The following ARHGAP29 variants were observed in gnomAD, a reference collection of about 807,000 sequenced individuals.
ARHGAP29 encodes Rho GTPase activating protein 29, also known as rho GTPase-activating protein 29.
ARHGAP29 carries 43 observed loss-of-function variants against 122.6 expected under a neutral mutation model. The ratio of observed to expected loss-of-function variants is 0.35; its 90% CI spans 0.27 to 0.45. The LOEUF is 0.45. ARHGAP29 is among the 20% of genes least tolerant of loss of function. The probability of loss-of-function intolerance (pLI) is 1.00; values close to 1 mark genes in which losing one functional copy is unlikely to be tolerated. For synonymous variants in ARHGAP29, 506 were observed against 497.1 expected (o/e 1.02, Z -0.24); for missense variants, 1,303 against 1,477.2 (o/e 0.88, Z 1.93).
chr1:94,220,180 T>C (rs1428176624), intron 3 of ARHGAP29, 78 bp downstream of exon 3: 2 of 1,501,564 alleles, frequency 1.3e-6, no homozygotes, highest in Non-Finnish European at 1.8e-6. Context: ...GAATTGGCTA[T>C]ATATTCACTA....
In ARHGAP29 at chr1:94,237,447, C is replaced by A. The variant is rs1457017592; in HGVS notation, c.-65G>T. On this transcript the variant is annotated 5_prime_UTR_variant, in exon 1 of 23. Transcript: ENST00000260526. ...CTCCATCTCGCGTGCCGGACGCGGACGCCCGCCCCACACCTACGGCCGCCG... is the reference window on the plus strand; with the variant it reads ...CTCCATCTCGCGTGCCGGACGCGGAAGCCCGCCCCACACCTACGGCCGCCG... The A allele has an allele frequency of 1.0e-6, 1 of 987,122 alleles. No homozygotes were observed. Among genetic ancestry groups the A allele is most frequent in the Admixed American group, 6.1e-5 (1 of 16,262 alleles). The allele number at this position is 987,122 out of a possible 1,614,324, so 61.1% of individuals were successfully genotyped here. A position where few individuals can be genotyped will look rare whatever the true frequency, so the allele number is the denominator to read the frequency against.
At chr1:94,200,683 T>C (rs1291846266) in intron 12 of ARHGAP29, among the ~76,000 whole-genome samples, 1 of 152,218 alleles carries the variant, frequency 6.6e-6, no homozygotes, top group Non-Finnish European at 1.5e-5. Flanking sequence ...AGTACAGTCA[T>C]ACAATGGAAT....
chr1:94,309,014 C>G, the ARHGAP29 span, among the ~76,000 whole-genome samples: 12 of 152,332 alleles, frequency 7.9e-5, no homozygotes, highest in Admixed American at 5.2e-4. Flanking sequence ...CCTTCCCCTC[C>G]TTCTCCTCCT....
upstream of ARHGAP29, chr1:94,237,586 C>A (rs1016655314): frequency 7.3e-5 from 72 of 989,830 alleles, no homozygotes; most frequent in African/African-American, 1.2e-3. Flanking sequence ...ACCACCACTG[C>A]AGCCGCCACC....
At chr1:94,268,643 T>C (rs886517296) in intron 1 of ARHGAP29, among the ~76,000 whole-genome samples, 2 of 152,226 alleles carry the variant, frequency 1.3e-5, no homozygotes, top group Admixed American at 1.3e-4. Flanking sequence ...TGAATGTTTG[T>C]TGAATGAAGA....
chr1:94,206,517 A>G (rs545366418), intron 5 of ARHGAP29, among the ~76,000 whole-genome samples: 1 of 152,312 alleles, frequency 6.6e-6, no homozygotes, highest in East Asian at 1.9e-4. Flanking sequence ...AAAGAGGGAT[A>G]AGAACACTAC....
chr1:94,211,641 T>C (rs188373668), intron 3 of ARHGAP29, among the ~76,000 whole-genome samples: 2 of 152,272 alleles, frequency 1.3e-5, no homozygotes, highest in East Asian at 3.9e-4. Flanking sequence ...AGGATTCAAA[T>C]GAGGCAAAAT....
intron 22 of ARHGAP29, among the ~76,000 whole-genome samples, chr1:94,175,223 C>A (rs1479396351): frequency 3.3e-5 from 5 of 152,258 alleles, no homozygotes; most frequent in Non-Finnish European, 5.9e-5. Flanking sequence ...ATATTAGATG[C>A]CTTAGATGCT....
At chr1:94,182,067 T>C (rs1323473164) in intron 19 of ARHGAP29, among the ~76,000 whole-genome samples, 1 of 149,222 alleles carries the variant, frequency 6.7e-6, no homozygotes, top group East Asian at 2.0e-4. Flanking sequence ...TATATTTCTA[T>C]TGGACAAGGC....
At chr1:94,259,783 A>C (rs1437183777) in intron 1 of ARHGAP29, among the ~76,000 whole-genome samples, 3 of 152,228 alleles carry the variant, frequency 2.0e-5, no homozygotes, top group Non-Finnish European at 2.9e-5. Flanking sequence ...AGTTTGTTAA[A>C]GCAGCCACAG....
At chr1:94,219,367 C>G (rs528027812) in intron 3 of ARHGAP29, among the ~76,000 whole-genome samples, 6 of 152,248 alleles carry the variant, frequency 3.9e-5, no homozygotes, top group Non-Finnish European at 7.4e-5. Flanking sequence ...TCTACTTACT[C>G]TGCACACTCA....
chr1:94,251,087 C>T (rs1654064381), intron 1 of ARHGAP29, among the ~76,000 whole-genome samples: 1 of 151,968 alleles, frequency 6.6e-6, no homozygotes, highest in African/African-American at 2.4e-5. Context: ...AGTTATTGTG[C>T]TAGTGATACA....
chr1:94,216,372 G>T (rs910495020), intron 3 of ARHGAP29, among the ~76,000 whole-genome samples: 6 of 152,164 alleles, frequency 3.9e-5, no homozygotes, highest in Admixed American at 3.9e-4. Context: ...TGAGCAAGGA[G>T]CAGAACGCTA....
At chr1:94,220,798 A>T (rs927521771) in intron 2 of ARHGAP29, among the ~76,000 whole-genome samples, 14 of 152,176 alleles carry the variant, frequency 9.2e-5, no homozygotes, top group African/African-American at 2.4e-4. Context: ...ATACATTTTT[A>T]AAATTATGAT....
intron 1 of ARHGAP29, among the ~76,000 whole-genome samples, 191 bp from the exon 2 acceptor site, chr1:94,231,834 A>T (rs1171481406): frequency 6.6e-6 from 1 of 152,154 alleles, no homozygotes; most frequent in Non-Finnish European, 1.5e-5. Flanking sequence ...AGCAGTTTCC[A>T]TTTATTAAAT....
At chr1:94,237,242 C>T (rs1324942653) in intron 1 of ARHGAP29, among the ~76,000 whole-genome samples, 173 bp downstream of exon 1, 6 of 152,138 alleles carry the variant, frequency 3.9e-5, no homozygotes, top group Admixed American at 2.0e-4. Flanking sequence ...CCGTGGACTC[C>T]AGTCCTGGCT....
chr1:94,239,514 G>A (rs1170858515), upstream of ARHGAP29, among the ~76,000 whole-genome samples: 1 of 151,836 alleles, frequency 6.6e-6, no homozygotes, highest in African/African-American at 2.4e-5. Flanking sequence ...AGCAGGGAAA[G>A]AGAGACAAAG....
intron 2 of ARHGAP29, 22 bp downstream of exon 2, chr1:94,231,385 T>C (rs1652909055): frequency 1.9e-6 from 3 of 1,593,184 alleles, no homozygotes; most frequent in Non-Finnish European, 2.6e-6. Context: ...CCAGCAAGAA[T>C]GCTAATAGAA....
At chr1:94,221,474 T>C (rs967667464) in intron 2 of ARHGAP29, among the ~76,000 whole-genome samples, 66 of 151,748 alleles carry the variant, frequency 4.3e-4, no homozygotes, top group African/African-American at 1.5e-3. Flanking sequence ...TCATACTCAT[T>C]TAGTATGACC....
Sources: gnomAD v4.1 joint callset for allele counts (sites outside exome capture counted in the v4.1 genomes callset) on GRCh38, gnomAD v4.1.1 for gene constraint, MANE v1.5 for transcripts, NCBI Gene and HGNC (gene_info 2026-07-23, HGNC 2026-07-21) for gene names.